DIAPH2: variants seen among roughly 807,000 people sequenced by gnomAD.
DIAPH2 encodes protein diaphanous homolog 2.
Under a neutral mutation model 92.7 loss-of-function variants are expected in DIAPH2, and 35 were observed. The observed-to-expected ratio is 0.38, with a 90% CI of 0.29 to 0.50. The LOEUF (loss-of-function observed/expected upper bound fraction) is 0.50, where lower values mean the gene tolerates loss of function less well. DIAPH2 is among the 20% of genes least tolerant of loss of function. The pLI, the probability that DIAPH2 is intolerant of heterozygous loss-of-function variation, is 0.94. For missense variants in DIAPH2, 701 were observed against 819.5 expected, an observed-to-expected ratio of 0.86 and a Z score of 1.77; for synonymous variants, 301 against 280.4, an observed-to-expected ratio of 1.07 and a Z score of -0.73.
At chrX:97,009,613 TAGTC>T (rs2066210058) in intron 17 of DIAPH2, among the ~76,000 whole-genome samples, 1 of 112,153 alleles carries the variant, frequency 8.9e-6, no homozygotes, top group African/African-American at 3.2e-5. Flanking sequence ...GCTAACTACT[TAGTC>T]AGTGCCCAAG....
intron 17 of DIAPH2, among the ~76,000 whole-genome samples, chrX:97,059,067 C>T (rs998447922): frequency 9.0e-6 from 1 of 111,583 alleles, no homozygotes; most frequent in African/African-American, 3.3e-5. Context: ...GGGAGATGAA[C>T]TGAAAATATT....
intron 26 of DIAPH2, among the ~76,000 whole-genome samples, chrX:97,498,711 AATTT>A (rs1159716580): frequency 3.6e-5 from 4 of 111,699 alleles, no homozygotes; most frequent in Non-Finnish European, 5.6e-5. Flanking sequence ...ATATTACATT[AATTT>A]ATTTACCATT....
At chrX:97,332,183 G>A (rs1422270249) in intron 23 of DIAPH2, among the ~76,000 whole-genome samples, 1 of 111,819 alleles carries the variant, frequency 8.9e-6, no homozygotes, top group Non-Finnish European at 1.9e-5. Flanking sequence ...CAAGATGTTA[G>A]TGCTTTCATT....
intron 5 of DIAPH2, chrX:96,884,981 G>A: frequency 2.5e-6 from 3 of 1,210,460 alleles, no homozygotes; most frequent in Non-Finnish European, 3.4e-6. Context: ...CATGAGCTCC[G>A]GGCTCAGCTC....
At chrX:97,216,599 C>G (rs1402744092) in intron 22 of DIAPH2, among the ~76,000 whole-genome samples, 1 of 111,025 alleles carries the variant, frequency 9.0e-6, no homozygotes, top group Non-Finnish European at 1.9e-5. Context: ...AGCCACAGCA[C>G]TGGGCCATAT....
intron 26 of DIAPH2, among the ~76,000 whole-genome samples, chrX:97,559,757 A>C (rs760102632): frequency 1.8e-5 from 2 of 112,144 alleles, no homozygotes; most frequent in African/African-American, 3.2e-5. Context: ...ATGAAGATTC[A>C]AAGTCAAAAG....
At chrX:97,219,141 A>G (rs1000029762) in intron 22 of DIAPH2, among the ~76,000 whole-genome samples, 1 of 112,582 alleles carries the variant, frequency 8.9e-6, no homozygotes, top group Non-Finnish European at 1.9e-5. Flanking sequence ...AGCATAGGCT[A>G]CGTTGTGGAT....
intron 23 of DIAPH2, among the ~76,000 whole-genome samples, chrX:97,342,073 A>G (rs746190621): frequency 3.6e-5 from 4 of 112,564 alleles, no homozygotes; most frequent in African/African-American, 1.3e-4. Context: ...ACTATTACAT[A>G]TATAGCTTTA....
chrX:97,573,359 G>A (rs1243747094), intron 26 of DIAPH2, among the ~76,000 whole-genome samples: 4 of 111,388 alleles, frequency 3.6e-5, no homozygotes, highest in African/African-American at 1.3e-4. Context: ...TTTTTGTGAT[G>A]TGTTAACTAA....
chrX:97,448,357 T>C (rs2070330346), intron 26 of DIAPH2, among the ~76,000 whole-genome samples: 1 of 112,432 alleles, frequency 8.9e-6, no homozygotes, highest in Non-Finnish European at 1.9e-5. Flanking sequence ...TTTGTTATGG[T>C]ATAAATGTTT....
At chrX:96,893,134 A>G (rs1481459205) in intron 5 of DIAPH2, among the ~76,000 whole-genome samples, 1 of 112,029 alleles carries the variant, frequency 8.9e-6, no homozygotes, top group Admixed American at 9.5e-5. Context: ...CATTATTTTG[A>G]GAATATTGTA....
chrX:97,229,751 G>T (rs2067992989), intron 22 of DIAPH2, among the ~76,000 whole-genome samples: 1 of 105,227 alleles, frequency 9.5e-6, no homozygotes, highest in African/African-American at 3.4e-5. Flanking sequence ...ATAGAGATTT[G>T]GGCTTATATA....
intron 4 of DIAPH2, among the ~76,000 whole-genome samples, chrX:96,828,841 A>G (rs1003634319): frequency 7.5e-4 from 84 of 112,043 alleles, no homozygotes; most frequent in African/African-American, 2.6e-3. Flanking sequence ...GTTGCCAGGG[A>G]AAATTGTATC....
intron 15 of DIAPH2, among the ~76,000 whole-genome samples, chrX:96,957,053 C>T (rs1362638348): frequency 1.8e-5 from 2 of 112,603 alleles, no homozygotes; most frequent in Non-Finnish European, 3.8e-5. Context: ...CGGAGTCTCG[C>T]TCTGTCACCA....
chrX:96,741,035 A>G (rs2064116070), intron 3 of DIAPH2, among the ~76,000 whole-genome samples: 1 of 108,758 alleles, frequency 9.2e-6, no homozygotes, highest in Admixed American at 9.9e-5. Flanking sequence ...CACCACATTT[A>G]CCTTTTAGTA....
At chrX:96,938,195 A>G (rs1425090928) in intron 11 of DIAPH2, among the ~76,000 whole-genome samples, 1 of 111,542 alleles carries the variant, frequency 9.0e-6, no homozygotes, top group East Asian at 2.8e-4. Context: ...GATTGAGGGC[A>G]GAAATGTTAT....
At chrX:96,836,480 T>C (rs907072354) in intron 4 of DIAPH2, among the ~76,000 whole-genome samples, 1 of 107,816 alleles carries the variant, frequency 9.3e-6, no homozygotes, top group South Asian at 4.0e-4. Context: ...TCTTGAATTT[T>C]GCATAATTTA....
At chrX:97,264,455 G>T (rs2068318309) in intron 23 of DIAPH2, among the ~76,000 whole-genome samples, 1 of 110,999 alleles carries the variant, frequency 9.0e-6, no homozygotes, top group African/African-American at 3.3e-5. Flanking sequence ...ACACACACAT[G>T]CTATACATTT....
chrX:96,765,233 T>C (rs2064295643), intron 4 of DIAPH2, among the ~76,000 whole-genome samples: 1 of 103,485 alleles, frequency 9.7e-6, no homozygotes, highest in African/African-American at 3.6e-5. Context: ...GGTCTCACTC[T>C]GTTGCCCAGG....
Sources: allele counts gnomAD v4.1 joint callset (sites outside exome capture counted in the v4.1 genomes callset), GRCh38; gene constraint gnomAD v4.1.1; transcripts MANE v1.5; gene names NCBI Gene and HGNC (gene_info 2026-07-23, HGNC 2026-07-21).